The following GLRA1 variants were observed in gnomAD, a reference collection of about 807,000 sequenced individuals.
The protein encoded by GLRA1 is glycine receptor alpha 1, also known as glycine receptor subunit alpha-1.
Under a neutral mutation model 48.3 loss-of-function variants are expected in GLRA1, and 37 were observed. The observed-to-expected ratio is 0.77, with a 90% confidence interval of 0.59 to 1.01. The LOEUF (loss-of-function observed/expected upper bound fraction) is 1.01. GLRA1 is among the 50% of genes least tolerant of loss of function. The probability of loss-of-function intolerance (pLI) is 0.00; values close to 1 mark genes in which losing one functional copy is unlikely to be tolerated. For missense variants in GLRA1, 427 were observed against 571.0 expected (o/e 0.75, Z 2.57); for synonymous variants, 196 against 210.7 (o/e 0.93, Z 0.60).
At chr5:151,911,116 T>C (rs746309841) in intron 1 of GLRA1, among the ~76,000 whole-genome samples, 22 of 152,228 alleles carry the variant, frequency 1.4e-4, no homozygotes, top group Non-Finnish European at 3.2e-4. Flanking sequence ...ATGCCTGGCC[T>C]ACCCAGTGGC....
At chr5:151,831,185 C>T (rs1763413514) in intron 7 of GLRA1, among the ~76,000 whole-genome samples, 1 of 152,230 alleles carries the variant, frequency 6.6e-6, no homozygotes, top group African/African-American at 2.4e-5. Context: ...GTGCCTGTGC[C>T]ACCAGGGCCC....
rs115710044 is a variant in GLRA1 at position 151,856,526 on chromosome 5, T to C, written c.477-143A>G. 259 of 631,732 alleles carry C rather than the reference T, an allele frequency of 4.1e-4. No individual in the cohort carries two copies. In the African/African-American group the frequency reaches 4.4e-3, roughly 11 times the overall value. The allele number at this position is 631,732 out of a possible 1,614,324, so 39.1% of individuals were successfully genotyped here. A position where few individuals can be genotyped will look rare whatever the true frequency, so the allele number is the denominator to read the frequency against. On this transcript the variant is annotated intron_variant, in intron 4 of 8. Coordinates refer to ENST00000274576, the MANE Select transcript of GLRA1 (RefSeq NM_000171.4). ...TTGTGTTTGTTTTTTTGTTTATTTATTTATTTTTGAGAGATGAGATCTCTC... is the reference window on the plus strand; with the variant it reads ...TTGTGTTTGTTTTTTTGTTTATTTACTTATTTTTGAGAGATGAGATCTCTC...
At chr5:151,860,103 T>C in intron 3 of GLRA1, 95 bp from the exon 4 acceptor site, 1 of 838,622 alleles carries the variant, frequency 1.2e-6, no homozygotes, top group Non-Finnish European at 2.0e-6. Context: ...AAACCTTTTC[T>C]GGAGGATGTT....
chr5:151,884,976 G>C (rs1031181973), intron 3 of GLRA1, among the ~76,000 whole-genome samples: 3 of 152,232 alleles, frequency 2.0e-5, no homozygotes, highest in Non-Finnish European at 2.9e-5. Context: ...TGGATATCCA[G>C]TGAAAAGCAC....
In GLRA1 at chr5:151,822,541, A is replaced by G. The variant is rs767064792; in HGVS notation, c.*132T>C. On this transcript the variant is annotated 3_prime_UTR_variant, in exon 9 of 9. Coordinates refer to ENST00000274576, the MANE Select transcript of GLRA1 (RefSeq NM_000171.4). The stretch of plus-strand genomic sequence containing the variant: ...AATTCATGCATCACTGCATTTTGCT[A>G]TTGCACATATTGCAGAGAGAGTTGT... 21 of 718,522 alleles carry G rather than the reference A, an allele frequency of 2.9e-5. No individual in the cohort carries two copies. The highest frequency in any genetic ancestry group is 5.3e-5 in the East Asian group (2 of 37,926). 44.5% of individuals were successfully genotyped at this position (718,522 alleles called of 1,614,324 possible). A position where few individuals can be genotyped will look rare whatever the true frequency, so the allele number is the denominator to read the frequency against.
chr5:151,843,824 G>C (rs1303187123), intron 7 of GLRA1, among the ~76,000 whole-genome samples: 1 of 152,164 alleles, frequency 6.6e-6, no homozygotes, highest in African/African-American at 2.4e-5. Flanking sequence ...ACAGGGAAAA[G>C]AATACTCTTC....
At chr5:151,889,974 T>C (rs950270691) in intron 2 of GLRA1, among the ~76,000 whole-genome samples, 10 of 152,122 alleles carry the variant, frequency 6.6e-5, no homozygotes, top group Admixed American at 5.9e-4. Flanking sequence ...GAACTAGTTC[T>C]GTAGATATTG....
At chr5:151,838,540 C>CT (rs1218781915) in intron 7 of GLRA1, among the ~76,000 whole-genome samples, 1 of 151,994 alleles carries the variant, frequency 6.6e-6, no homozygotes, top group Non-Finnish European at 1.5e-5. Flanking sequence ...GAAATGAAAA[C>CT]TTCACTAGAT....
At chr5:151,907,384 TACTTC>T (rs1432810255) in intron 1 of GLRA1, among the ~76,000 whole-genome samples, 1 of 152,230 alleles carries the variant, frequency 6.6e-6, no homozygotes, top group East Asian at 1.9e-4. Flanking sequence ...GTGAGTATTT[TACTTC>T]ACTTCTGCAG....
At chr5:151,913,342 A>AG (rs1232660843) in intron 1 of GLRA1, among the ~76,000 whole-genome samples, 1 of 152,184 alleles carries the variant, frequency 6.6e-6, no homozygotes, top group Non-Finnish European at 1.5e-5. Flanking sequence ...CACCAGAGTG[A>AG]GGGGGAAGTT....
At chr5:151,853,553 G>A (rs747904084) in intron 6 of GLRA1, among the ~76,000 whole-genome samples, 1 of 151,818 alleles carries the variant, frequency 6.6e-6, no homozygotes, top group Non-Finnish European at 1.5e-5. Context: ...ACCATGCCTG[G>A]CCTTTTTTTT....
At chr5:151,828,161 G>A (rs1016677957) in intron 8 of GLRA1, among the ~76,000 whole-genome samples, 1 of 152,178 alleles carries the variant, frequency 6.6e-6, no homozygotes, top group African/African-American at 2.4e-5. Context: ...GCATTTGCTA[G>A]GACACACAGT....
chr5:151,920,134 C>T (rs1754838815), intron 1 of GLRA1, among the ~76,000 whole-genome samples: 1 of 152,172 alleles, frequency 6.6e-6, no homozygotes, highest in African/African-American at 2.4e-5. Flanking sequence ...AAACAAGTTC[C>T]TGGTGAAGAA....
chr5:151,846,980 C>G (rs777341609), intron 7 of GLRA1, among the ~76,000 whole-genome samples: 7 of 152,122 alleles, frequency 4.6e-5, no homozygotes, highest in Non-Finnish European at 8.8e-5. Flanking sequence ...TTGCATCTAC[C>G]TACCTACCTG....
At chr5:151,920,796 A>G (rs1754856195) in intron 1 of GLRA1, among the ~76,000 whole-genome samples, 1 of 152,164 alleles carries the variant, frequency 6.6e-6, no homozygotes, top group Non-Finnish European at 1.5e-5. Context: ...CAGTGCCAAA[A>G]TGCAGCAGGT....
chr5:151,851,666 T>A (rs780461210), intron 6 of GLRA1, 62 bp from the exon 7 acceptor site: 67 of 1,113,556 alleles, frequency 6.0e-5, no homozygotes, highest in Non-Finnish European at 8.1e-5. Flanking sequence ...GGCTTTAGGA[T>A]TAGAACAACC....
chr5:151,918,801 C>T (rs940842545), intron 1 of GLRA1, among the ~76,000 whole-genome samples: 2 of 152,054 alleles, frequency 1.3e-5, no homozygotes, highest in African/African-American at 4.8e-5. Context: ...TGACAGACAC[C>T]ATCACTACCA....
intron 1 of GLRA1, among the ~76,000 whole-genome samples, chr5:151,897,524 T>C (rs990282321): frequency 2.6e-5 from 4 of 152,216 alleles, no homozygotes; most frequent in Non-Finnish European, 5.9e-5. Context: ...ATTTGATTAA[T>C]GGTAATTTTC....
chr5:151,830,430 G>C (rs1305409763), intron 7 of GLRA1, among the ~76,000 whole-genome samples: 2 of 152,174 alleles, frequency 1.3e-5, no homozygotes, highest in East Asian at 3.8e-4. Context: ...GTTTATAGGG[G>C]GCTTTGGAAA....
Sources: gnomAD v4.1 joint callset for allele counts (sites outside exome capture counted in the v4.1 genomes callset) on GRCh38, gnomAD v4.1.1 for gene constraint, MANE v1.5 for transcripts, NCBI Gene and HGNC (gene_info 2026-07-23, HGNC 2026-07-21) for gene names.